DPF3: variants seen among roughly 807,000 people sequenced by gnomAD.
DPF3 encodes zinc finger protein DPF3.
A neutral mutation model predicts 56.8 loss-of-function variants in DPF3; 18 were observed. The ratio of observed to expected loss-of-function variants is 0.32; its 90% CI spans 0.22 to 0.47. DPF3 has a LOEUF of 0.47. Among genes scored for constraint, DPF3 ranks in the 20% least tolerant of loss-of-function variants. The pLI, the probability that DPF3 is intolerant of heterozygous loss-of-function variation, is 1.00. For synonymous variants in DPF3, 188 were observed against 180.2 expected (o/e 1.04, Z -0.35); for missense variants, 403 against 488.8 (o/e 0.82, Z 1.65).
chr14:72,851,781 T>TGTGG (rs1884992350), intron 1 of DPF3, among the ~76,000 whole-genome samples: 1 of 152,202 alleles, frequency 6.6e-6, no homozygotes, highest in African/African-American at 2.4e-5. Context: ...TTCCTCCCCG[T>TGTGG]GTGGGTAATC....
rs148772646 is a variant in DPF3, at chr14:72,623,083, T to G, written c.985-3099A>C. On this transcript the variant is annotated intron_variant, in intron 9 of 10. Coordinates refer to ENST00000556509, the MANE Select transcript of DPF3 (RefSeq NM_001280542.3). ...AGCAAGATGGAGAAAACATATATACTTGTTACCATTTTTCATGGATTCATA... is the reference window on the plus strand; with the variant it reads ...AGCAAGATGGAGAAAACATATATACGTGTTACCATTTTTCATGGATTCATA... Among the ~76,000 whole-genome samples, 1,032 of 152,344 alleles carry G rather than the reference T, an allele frequency of 6.8e-3. 12 individuals are homozygous for G. Among genetic ancestry groups the G allele is most frequent in the African/African-American group, 0.024 (982 of 41,560 alleles).
At chr14:72,891,271 C>T (rs747077616) in intron 1 of DPF3, among the ~76,000 whole-genome samples, 2 of 150,500 alleles carry the variant, frequency 1.3e-5, no homozygotes, top group Admixed American at 6.6e-5. Flanking sequence ...CTGAGGAAAC[C>T]TTTGTGTGAC....
intron 1 of DPF3, among the ~76,000 whole-genome samples, chr14:72,865,606 A>C (rs1203790849): frequency 6.6e-6 from 1 of 152,200 alleles, no homozygotes; most frequent in East Asian, 1.9e-4. Flanking sequence ...AAGAAATGGA[A>C]AGGGTGAGAA....
chr14:72,755,458 A>G (rs1187954229), intron 2 of DPF3, among the ~76,000 whole-genome samples: 1 of 152,116 alleles, frequency 6.6e-6, no homozygotes, highest in Non-Finnish European at 1.5e-5. Context: ...CTGCAGTGCA[A>G]AGGAAGAGCA....
chr14:72,822,199 G>A (rs1883581319), intron 1 of DPF3, among the ~76,000 whole-genome samples: 2 of 152,044 alleles, frequency 1.3e-5, no homozygotes, highest in African/African-American at 4.8e-5. Context: ...CCAACATGGT[G>A]AAACCCCATC....
At chr14:72,662,987 A>G (rs1005430312) in intron 8 of DPF3, among the ~76,000 whole-genome samples, 8 of 151,904 alleles carry the variant, frequency 5.3e-5, no homozygotes, top group African/African-American at 1.9e-4. Flanking sequence ...CTAATTGCCA[A>G]GTTAATGAGG....
intron 8 of DPF3, among the ~76,000 whole-genome samples, chr14:72,641,912 C>T (rs1446218620): frequency 6.6e-6 from 1 of 152,204 alleles, no homozygotes; most frequent in Non-Finnish European, 1.5e-5. Flanking sequence ...GTCTCTATGT[C>T]TCTGTCTGTC....
chr14:72,862,206 C>A (rs1284584444), intron 1 of DPF3, among the ~76,000 whole-genome samples: 5 of 151,074 alleles, frequency 3.3e-5, no homozygotes, highest in Non-Finnish European at 5.9e-5. Context: ...AGTTCCCTAA[C>A]CCCCCCTGCA....
At chr14:72,838,205 A>T (rs1884376462) in intron 1 of DPF3, among the ~76,000 whole-genome samples, 5 of 152,176 alleles carry the variant, frequency 3.3e-5, no homozygotes, top group Admixed American at 1.3e-4. Flanking sequence ...GTTAAAACAC[A>T]GCACCAGGCC....
intron 1 of DPF3, among the ~76,000 whole-genome samples, chr14:72,788,457 G>A (rs1892301409): frequency 6.6e-6 from 1 of 152,148 alleles, no homozygotes; most frequent in Admixed American, 6.5e-5. Flanking sequence ...AGTCACTGTG[G>A]GTGGAGGGAG....
intron 1 of DPF3, among the ~76,000 whole-genome samples, chr14:72,869,284 T>C (rs1482127964): frequency 1.3e-5 from 2 of 152,234 alleles, no homozygotes; most frequent in Non-Finnish European, 2.9e-5. Flanking sequence ...TGTGTGATTA[T>C]ATGATTAACA....
At chr14:72,826,707 G>A (rs558929203) in intron 1 of DPF3, among the ~76,000 whole-genome samples, 2 of 152,272 alleles carry the variant, frequency 1.3e-5, no homozygotes, top group South Asian at 2.1e-4. Flanking sequence ...ACCTGCCCAA[G>A]ATGGAATTAA....
At chr14:72,869,524 C>T (rs1310049291) in intron 1 of DPF3, among the ~76,000 whole-genome samples, 1 of 152,160 alleles carries the variant, frequency 6.6e-6, no homozygotes, top group African/African-American at 2.4e-5. Flanking sequence ...CGGTGTGCTT[C>T]TCCTGGTCAT....
intron 7 of DPF3, among the ~76,000 whole-genome samples, chr14:72,676,013 C>T (rs1886892209): frequency 1.3e-5 from 2 of 152,346 alleles, no homozygotes; most frequent in Non-Finnish European, 2.9e-5. Flanking sequence ...CCCCTTCTCC[C>T]TTCTCCCTCA....
At chr14:72,847,300 C>T (rs1225534909) in intron 1 of DPF3, among the ~76,000 whole-genome samples, 1 of 152,290 alleles carries the variant, frequency 6.6e-6, no homozygotes, top group Non-Finnish European at 1.5e-5. Flanking sequence ...TAAGTGATGG[C>T]GCTGGGATTT....
chr14:72,625,053 C>T, intron 9 of DPF3, among the ~76,000 whole-genome samples: 1 of 152,058 alleles, frequency 6.6e-6, no homozygotes, highest in East Asian at 1.9e-4. Flanking sequence ...TGGGGAGATA[C>T]TTGGAGATTA....
At chr14:72,800,868 G>T (rs968272429) in intron 1 of DPF3, among the ~76,000 whole-genome samples, 1 of 152,228 alleles carries the variant, frequency 6.6e-6, no homozygotes, top group Non-Finnish European at 1.5e-5. Context: ...CACACAAATA[G>T]GCATGATACA....
chr14:72,887,973 A>G (rs1034278589), intron 1 of DPF3, among the ~76,000 whole-genome samples: 3 of 151,448 alleles, frequency 2.0e-5, no homozygotes, highest in Admixed American at 2.0e-4. Context: ...AACAACAACT[A>G]AAAAAAAACC....
chr14:72,674,213 C>G lies in DPF3; in HGVS notation c.871+27G>C. On this transcript the variant is annotated intron_variant, in intron 8 of 10. Coordinates refer to ENST00000556509, the MANE Select transcript of DPF3 (RefSeq NM_001280542.3). ...GAGGAGCATTCCTGGTCTACGGGCACCCGGTGTGGGAAGGGGCCACACTCA... is the reference window on the plus strand; with the variant it reads ...GAGGAGCATTCCTGGTCTACGGGCAGCCGGTGTGGGAAGGGGCCACACTCA... 2.5e-6 allele frequency: 4 copies of G among 1,605,052 alleles called. No individual in the cohort carries two copies. The South Asian group carries it at 4.5e-5, about 18-fold the overall frequency.
Sources: gnomAD v4.1 joint callset for allele counts (sites outside exome capture counted in the v4.1 genomes callset) on GRCh38, gnomAD v4.1.1 for gene constraint, MANE v1.5 for transcripts, NCBI Gene and HGNC (gene_info 2026-07-23, HGNC 2026-07-21) for gene names.